SNRPN: variants seen among roughly 807,000 people sequenced by gnomAD.
The protein encoded by SNRPN is small nuclear ribonucleoprotein polypeptide N.
Under a neutral mutation model 25.2 loss-of-function variants are expected in SNRPN, and 7 were observed. That is an observed-to-expected ratio of 0.28 (90% CI 0.16 to 0.52). The LOEUF is 0.52. Ranked by LOEUF, SNRPN falls within the 20% of genes least tolerant of loss-of-function variation. SNRPN has a pLI of 0.96. For missense variants in SNRPN, 196 were observed against 322.5 expected (o/e 0.61, Z 3.00); for synonymous variants, 124 against 110.6 (o/e 1.12, Z -0.76).
intron 2 of SNRPN, among the ~76,000 whole-genome samples, chr15:24,911,471 G>T (rs1428750103): frequency 6.6e-6 from 1 of 152,184 alleles, no homozygotes; most frequent in Non-Finnish European, 1.5e-5. Context: ...CAAGATGCCT[G>T]TGGGAACTTG....
intron 1 of SNRPN, among the ~76,000 whole-genome samples, chr15:24,955,878 C>G (rs532774253): frequency 2.0e-5 from 3 of 151,566 alleles, no homozygotes; most frequent in Admixed American, 2.0e-4. Context: ...GGCCGCGGGG[C>G]CTGTCGCTGT....
rs557691088 is a variant in SNRPN, at chr15:24,899,881, C to T, written c.-505+13292C>T. Among the ~76,000 whole-genome samples the T allele has an allele frequency of 1.3e-5, 2 of 152,330 alleles. 1 individual carries two copies. The highest frequency in any genetic ancestry group is 4.8e-5 in the African/African-American group (2 of 41,576). ...TTTGTCTGCCTCCTGATTGGACCCT[C>T]ACTGAAAGAATTAATGCTGGCATTG... On this transcript the variant is annotated intron_variant, in intron 2 of 11. Transcript: ENST00000400097.
chr15:24,887,597 G>C (rs2057309710), intron 2 of SNRPN, among the ~76,000 whole-genome samples: 1 of 152,084 alleles, frequency 6.6e-6, no homozygotes, highest in African/African-American at 2.4e-5. Flanking sequence ...AAACAATTTA[G>C]ACAAAGTTTT....
intron 3 of SNRPN, among the ~76,000 whole-genome samples, chr15:24,925,098 A>T (rs28433664): frequency 0.011 from 1,732 of 152,288 alleles, 37 homozygotes; most frequent in African/African-American, 0.039. Flanking sequence ...TATTGACTTA[A>T]ATAGAATTGT....
intron 2 of SNRPN, among the ~76,000 whole-genome samples, chr15:24,844,721 A>C (rs1037596048): frequency 9.2e-5 from 14 of 152,094 alleles, no homozygotes; most frequent in African/African-American, 2.9e-4. Flanking sequence ...ATGGGGTTTC[A>C]CCATGTTGGC....
intron 1 of SNRPN, among the ~76,000 whole-genome samples, chr15:24,873,968 A>G (rs1216768348): frequency 6.6e-6 from 1 of 150,556 alleles, no homozygotes; most frequent in Non-Finnish European, 1.5e-5. Flanking sequence ...AGCATACTTC[A>G]TTCACTCCAT....
intron 3 of SNRPN, among the ~76,000 whole-genome samples, chr15:24,969,263 G>A (rs950550678): frequency 6.6e-6 from 1 of 151,986 alleles, no homozygotes; most frequent in Non-Finnish European, 1.5e-5. Flanking sequence ...CAAGTATCTG[G>A]GATTATAGGC....
At chr15:24,936,630 A>G (rs932931366) in intron 3 of SNRPN, among the ~76,000 whole-genome samples, 1 of 152,174 alleles carries the variant, frequency 6.6e-6, no homozygotes, top group African/African-American at 2.4e-5. Flanking sequence ...TCATGGCAGA[A>G]GGCAGAGGGG....
At position 24,962,105 on chromosome 15, in the gene SNRPN, C is replaced by T; in HGVS notation, c.-390-9C>T. 2 of 1,612,874 alleles carry T rather than the reference C, an allele frequency of 1.2e-6. No individual in the cohort carries two copies. Among genetic ancestry groups the T allele is most frequent in the Non-Finnish European group, 1.7e-6 (2 of 1,178,908 alleles). ...TCTACCAAACAAATGCCTCTCTTTT[C>T]TGTTTCAGGGATCGCTTACACCTGA... On this transcript the variant is annotated splice_polypyrimidine_tract_variant and intron_variant, in intron 1 of 9. Transcript: ENST00000390687.
At chr15:24,976,165 T>C in intron 5 of SNRPN, 140 bp from the exon 6 acceptor site, 3 of 672,886 alleles carry the variant, frequency 4.5e-6, no homozygotes, top group East Asian at 5.4e-5. Flanking sequence ...TTTACAGATA[T>C]TTTTTGGCTT....
At chr15:24,936,666 A>G (rs7174637) in intron 3 of SNRPN, among the ~76,000 whole-genome samples, 75,408 of 151,922 alleles carry the variant, frequency 0.5, 19,865 homozygotes, top group African/African-American at 0.67. Flanking sequence ...TACATGGCAG[A>G]AGCAGGAGAG....
chr15:24,887,146 CTTT>C (rs759363529), intron 2 of SNRPN, among the ~76,000 whole-genome samples: 2 of 128,762 alleles, frequency 1.6e-5, no homozygotes, highest in Admixed American at 7.9e-5. Context: ...ACACTGAGGT[CTTT>C]TTTTTTTTTT....
At chr15:24,896,624 G>T (rs1009180614) in intron 2 of SNRPN, among the ~76,000 whole-genome samples, 9 of 152,080 alleles carry the variant, frequency 5.9e-5, no homozygotes, top group African/African-American at 2.2e-4. Flanking sequence ...TGAGGCAGGA[G>T]AATGGTGTAA....
intron 1 of SNRPN, among the ~76,000 whole-genome samples, chr15:24,862,943 A>G (rs2054130587): frequency 6.6e-6 from 1 of 150,946 alleles, no homozygotes; most frequent in South Asian, 2.1e-4. Context: ...AGGACAGACC[A>G]TAAAGGGCCT....
chr15:24,974,999 G>A (rs1388531674), intron 4 of SNRPN: 4 of 702,744 alleles, frequency 5.7e-6, no homozygotes, highest in African/African-American at 1.7e-5. Context: ...GAAAATGGAA[G>A]GGTTTTGGCA....
At chr15:24,883,133 G>A (rs1459672544) in intron 1 of SNRPN, among the ~76,000 whole-genome samples, 2 of 152,216 alleles carry the variant, frequency 1.3e-5, no homozygotes, top group African/African-American at 4.8e-5. Context: ...ACCATCTTAA[G>A]TTGGGGACTA....
chr15:24,977,089 G>A, intron 7 of SNRPN, 60 bp downstream of exon 7: 1 of 1,411,080 alleles, frequency 7.1e-7, no homozygotes, highest in Non-Finnish European at 9.5e-7. Flanking sequence ...CGGAGGCCGA[G>A]GAGATTTAAA....
chr15:24,856,258 A>G (rs1413802036), upstream of SNRPN, among the ~76,000 whole-genome samples: 1 of 152,210 alleles, frequency 6.6e-6, no homozygotes, highest in Admixed American at 6.5e-5. Context: ...TTTAGAACTC[A>G]CTATTACTGA....
chr15:24,909,919 A>T, intron 2 of SNRPN: 1 of 568,770 alleles, frequency 1.8e-6, no homozygotes, highest in Non-Finnish European at 3.2e-6. Flanking sequence ...TTTAATCTTC[A>T]GTGGGTACCT....
Sources: allele counts gnomAD v4.1 joint callset (sites outside exome capture counted in the v4.1 genomes callset), GRCh38; gene constraint gnomAD v4.1.1; transcripts MANE v1.5; gene names NCBI Gene and HGNC (gene_info 2026-07-23, HGNC 2026-07-21).